GLI2: variants seen among roughly 807,000 people sequenced by gnomAD.
GLI2 encodes the protein GLI family zinc finger 2.
A neutral mutation model predicts 78.9 loss-of-function variants in GLI2; 22 were observed. The observed-to-expected ratio is 0.28, with a 90% CI of 0.20 to 0.40. The LOEUF (loss-of-function observed/expected upper bound fraction) is 0.40. GLI2 is among the 10% of genes least tolerant of loss of function. The pLI, the probability that GLI2 is intolerant of heterozygous loss-of-function variation, is 1.00. For synonymous variants in GLI2, 974 were observed against 963.7 expected, an observed-to-expected ratio of 1.01 and a Z score of -0.20; for missense variants, 2,097 against 2,213.2, an observed-to-expected ratio of 0.95 and a Z score of 1.05.
chr2:120,977,391 T>C (rs766647426), intron 9 of GLI2, among the ~76,000 whole-genome samples: 29 of 152,334 alleles, frequency 1.9e-4, no homozygotes, highest in Admixed American at 3.9e-4. Context: ...TATTGAGATA[T>C]TGTATATTCT....
intron 2 of GLI2, 65 bp downstream of exon 2, chr2:120,797,533 A>G (rs1221133726): frequency 6.7e-7 from 1 of 1,481,744 alleles, no homozygotes; most frequent in Non-Finnish European, 9.4e-7. Context: ...TTAGGATTTA[A>G]TTAGAGTGGT....
At chr2:120,948,215 C>T (rs1481779368) in intron 3 of GLI2, among the ~76,000 whole-genome samples, 1 of 152,170 alleles carries the variant, frequency 6.6e-6, no homozygotes, top group Non-Finnish European at 1.5e-5. Flanking sequence ...GCAGTGTGCT[C>T]GTGGTCAAGT....
intron 2 of GLI2, among the ~76,000 whole-genome samples, chr2:120,847,303 T>A (rs1431314725): frequency 6.6e-6 from 1 of 152,022 alleles, no homozygotes; most frequent in Non-Finnish European, 1.5e-5. Context: ...ATGAATATAA[T>A]CCAGCCCAGA....
intron 2 of GLI2, among the ~76,000 whole-genome samples, chr2:120,839,319 T>C (rs1686757306): frequency 6.6e-6 from 1 of 152,212 alleles, no homozygotes; most frequent in South Asian, 2.1e-4. Flanking sequence ...GGTTTGTTGG[T>C]TTCTTAACGT....
Position 120,986,423 on chromosome 2 carries a change from C to A in GLI2, c.2051C>A (p.Pro684His). ...LGDLTALDDT[P>H]PGADTSALAA... ...GACCTGACGGCACTGGATGACACAC[C>A]CCCAGGGGCCGACACCTCAGCCCTG... is the stretch of plus-strand genomic sequence containing the variant. Residue 684 changes from proline (P) to histidine (H), a missense_variant, in exon 13 of 14, where the codon CCC becomes CAC. Coordinates refer to ENST00000361492, the MANE Select transcript of GLI2 (RefSeq NM_001374353.1). 1 of 1,613,844 alleles carries A rather than the reference C, an allele frequency of 6.2e-7. No individual in the cohort carries two copies. The highest frequency in any genetic ancestry group is 2.2e-5 in the East Asian group (1 of 44,858).
chr2:120,870,996 A>G (rs958604703), intron 2 of GLI2, among the ~76,000 whole-genome samples: 2 of 152,212 alleles, frequency 1.3e-5, no homozygotes, highest in Non-Finnish European at 2.9e-5. Flanking sequence ...GTCAACCCCT[A>G]TTCCTTAATT....
At chr2:120,842,409 G>T (rs11885427) in intron 2 of GLI2, among the ~76,000 whole-genome samples, 2 of 152,090 alleles carry the variant, frequency 1.3e-5, no homozygotes, top group South Asian at 2.1e-4. Context: ...GACCTGGAGC[G>T]CTTCTTCATT....
chr2:120,844,467 C>T (rs1367486809), intron 2 of GLI2, among the ~76,000 whole-genome samples: 1 of 152,194 alleles, frequency 6.6e-6, no homozygotes, highest in Non-Finnish European at 1.5e-5. Flanking sequence ...GGGTCTCCGT[C>T]CCTTCCTGTC....
At chr2:120,876,355 A>G (rs1338537374) in intron 2 of GLI2, among the ~76,000 whole-genome samples, 1 of 152,084 alleles carries the variant, frequency 6.6e-6, no homozygotes, top group Non-Finnish European at 1.5e-5. Flanking sequence ...AAAATAAACA[A>G]ACAAACAAAT....
intron 1 of GLI2, among the ~76,000 whole-genome samples, chr2:120,753,817 A>G (rs1573343854): frequency 6.6e-6 from 1 of 151,790 alleles, no homozygotes; most frequent in Admixed American, 6.6e-5. Flanking sequence ...AGAATGGCGG[A>G]AACCCGGGAG....
chr2:120,903,318 T>C (rs1325916205), intron 2 of GLI2, among the ~76,000 whole-genome samples: 1 of 151,944 alleles, frequency 6.6e-6, no homozygotes, highest in Non-Finnish European at 1.5e-5. Flanking sequence ...ATCACGCCAC[T>C]ACACTCAGGC....
chr2:120,883,624 G>T (rs1467913990), intron 2 of GLI2, among the ~76,000 whole-genome samples: 1 of 152,224 alleles, frequency 6.6e-6, no homozygotes, highest in Non-Finnish European at 1.5e-5. Context: ...AGTCTCATGA[G>T]GGTAGTTATT....
At chr2:120,769,556 T>C (rs1683465423) in intron 1 of GLI2, among the ~76,000 whole-genome samples, 1 of 152,210 alleles carries the variant, frequency 6.6e-6, no homozygotes, top group Non-Finnish European at 1.5e-5. Flanking sequence ...CAATGAGGGT[T>C]TAACACTAGG....
intron 1 of GLI2, among the ~76,000 whole-genome samples, chr2:120,763,041 C>T (rs1355210330): frequency 1.3e-5 from 2 of 152,206 alleles, no homozygotes; most frequent in Non-Finnish European, 2.9e-5. Flanking sequence ...CTGGGAGGCT[C>T]TGGAGCCTGG....
At chr2:120,790,367 C>T (rs961832082) in intron 1 of GLI2, among the ~76,000 whole-genome samples, 3 of 152,176 alleles carry the variant, frequency 2.0e-5, no homozygotes, top group Non-Finnish European at 2.9e-5. Context: ...GCCTGAGGGG[C>T]ATGGGGCTGA....
intron 5 of GLI2, among the ~76,000 whole-genome samples, chr2:120,957,212 C>A (rs945426862): frequency 6.6e-6 from 1 of 152,218 alleles, no homozygotes; most frequent in East Asian, 1.9e-4. Flanking sequence ...AGTGATGCCA[C>A]CAGAATTTGG....
rs1022772402 is a variant in GLI2, at chr2:120,975,341, T to A, written c.1317+232T>A. 3.3e-5 allele frequency among the ~76,000 whole-genome samples: 5 copies of A among 152,092 alleles called. No individual in the cohort carries two copies. In the South Asian group the frequency reaches 1.0e-3, roughly 32 times the overall value. The stretch of plus-strand genomic sequence containing the variant: ...ACAAACAATTAAAAGAAAAAATAAG[T>A]AAATGAGACTGTCAGGGAAAAGAGA... On this transcript the variant is annotated intron_variant, in intron 9 of 13. Transcript: ENST00000361492.
In GLI2 at chr2:120,954,433, C is replaced by A. The variant is rs1256262756; in HGVS notation, c.458-812C>A. On this transcript the variant is annotated intron_variant, in intron 4 of 13. Coordinates refer to ENST00000361492, the MANE Select transcript of GLI2 (RefSeq NM_001374353.1). Reference sequence around the variant, plus strand: ...GCAAGAAGGAGGCAGAGGAGGACGGCAGCTTCCATGGCCTGGTCTCCTCTC... The same window carrying A: ...GCAAGAAGGAGGCAGAGGAGGACGGAAGCTTCCATGGCCTGGTCTCCTCTC... Among the ~76,000 whole-genome samples the A allele has an allele frequency of 3.7e-4, 57 of 152,158 alleles. 1 individual carries two copies. Among genetic ancestry groups the A allele is most frequent in the Non-Finnish European group, 1.5e-5 (1 of 68,026 alleles).
intron 2 of GLI2, among the ~76,000 whole-genome samples, chr2:120,903,694 C>G (rs535565608): frequency 6.6e-6 from 1 of 152,116 alleles, no homozygotes; most frequent in Non-Finnish European, 1.5e-5. Context: ...TCTCTGTCCA[C>G]TTGAGATGCA....
Sources: allele counts gnomAD v4.1 joint callset (sites outside exome capture counted in the v4.1 genomes callset), GRCh38; gene constraint gnomAD v4.1.1; transcripts MANE v1.5; gene names NCBI Gene and HGNC (gene_info 2026-07-23, HGNC 2026-07-21).